CACNA2D3: variants seen among roughly 807,000 people sequenced by gnomAD.
CACNA2D3 encodes voltage-dependent calcium channel subunit alpha-2/delta-3.
A neutral mutation model predicts 160.6 loss-of-function variants in CACNA2D3; 60 were observed. The ratio of observed to expected loss-of-function variants is 0.37; its 90% CI spans 0.30 to 0.46. CACNA2D3 has a LOEUF of 0.46. Among genes scored for constraint, CACNA2D3 ranks in the 20% least tolerant of loss-of-function variants. CACNA2D3 has a pLI of 1.00. For missense variants in CACNA2D3, 1,205 were observed against 1,365.0 expected (o/e 0.88, Z 1.85); for synonymous variants, 558 against 492.9 (o/e 1.13, Z -1.75).
intron 2 of CACNA2D3, among the ~76,000 whole-genome samples, chr3:54,268,795 G>A (rs1169506103): frequency 6.6e-6 from 1 of 152,142 alleles, no homozygotes; most frequent in African/African-American, 2.4e-5. Flanking sequence ...GGCAGAGCCG[G>A]GACTTGAACT....
intron 5 of CACNA2D3, among the ~76,000 whole-genome samples, chr3:54,516,429 A>G (rs980161221): frequency 6.6e-6 from 1 of 152,116 alleles, no homozygotes; most frequent in Non-Finnish European, 1.5e-5. Context: ...TCACGGTGGT[A>G]GAACAATTCT....
intron 27 of CACNA2D3, among the ~76,000 whole-genome samples, chr3:54,933,641 G>A (rs1370776710): frequency 6.6e-6 from 1 of 152,112 alleles, no homozygotes; most frequent in Non-Finnish European, 1.5e-5. Flanking sequence ...TCACTTTAAA[G>A]TGACAACAAC....
intron 4 of CACNA2D3, among the ~76,000 whole-genome samples, chr3:54,447,096 G>C (rs1275418358): frequency 6.6e-6 from 1 of 152,188 alleles, no homozygotes; most frequent in Non-Finnish European, 1.5e-5. Flanking sequence ...TATGAGCTCA[G>C]CTTCCTTTGA....
chr3:54,504,834 G>A (rs1701344199), intron 5 of CACNA2D3, among the ~76,000 whole-genome samples: 1 of 152,168 alleles, frequency 6.6e-6, no homozygotes, highest in African/African-American at 2.4e-5. Context: ...TTGTGAAATA[G>A]GGATAATGAT....
At chr3:54,486,908 C>T (rs1701024026) in intron 4 of CACNA2D3, among the ~76,000 whole-genome samples, 1 of 152,152 alleles carries the variant, frequency 6.6e-6, no homozygotes, top group African/African-American at 2.4e-5. Flanking sequence ...ACCTTATTCA[C>T]AGCATTTGCC....
chr3:54,273,398 C>A (rs1166755576), intron 2 of CACNA2D3, among the ~76,000 whole-genome samples: 1 of 152,204 alleles, frequency 6.6e-6, no homozygotes, highest in Non-Finnish European at 1.5e-5. Flanking sequence ...CACGCACACA[C>A]CCTCCATCCT....
At chr3:54,647,236 G>A (rs1417423686) in intron 11 of CACNA2D3, among the ~76,000 whole-genome samples, 5 of 152,078 alleles carry the variant, frequency 3.3e-5, no homozygotes, top group East Asian at 3.9e-4. Flanking sequence ...AATAATAACT[G>A]TTCTGTTTTA....
chr3:54,819,094 A>G (rs941668484), intron 14 of CACNA2D3, among the ~76,000 whole-genome samples: 6 of 144,824 alleles, frequency 4.1e-5, no homozygotes, highest in African/African-American at 1.6e-4. Context: ...TGACACTTGC[A>G]AGAGGCCTTT....
rs541156469 is a variant in CACNA2D3 at position 54,453,977 on chromosome 3, G to A, written c.382-49515G>A. ...ATGAGCTGAAATCATGGAAATTAGTGTATAGTTAGTAAAAGAAGGGGAGAG... is the reference window on the plus strand; with the variant it reads ...ATGAGCTGAAATCATGGAAATTAGTATATAGTTAGTAAAAGAAGGGGAGAG... On this transcript the variant is annotated intron_variant, in intron 4 of 37. Transcript: ENST00000474759. 2.6e-4 allele frequency among the ~76,000 whole-genome samples: 40 copies of A among 152,268 alleles called. 1 individual carries two copies. The highest frequency in any genetic ancestry group is 2.3e-3 in the Admixed American group (35 of 15,286).
intron 27 of CACNA2D3, among the ~76,000 whole-genome samples, chr3:54,927,592 T>C (rs961715291): frequency 6.6e-6 from 1 of 152,256 alleles, no homozygotes; most frequent in East Asian, 1.9e-4. Flanking sequence ...TTGTTCATTC[T>C]TTCTTTGGTT....
chr3:54,957,794 G>T (rs72877968), intron 27 of CACNA2D3, among the ~76,000 whole-genome samples: 5 of 152,064 alleles, frequency 3.3e-5, no homozygotes, highest in African/African-American at 4.8e-5. Context: ...GGATGAGCAC[G>T]CATGACCCCT....
At chr3:54,783,387 C>G (rs1702570015) in intron 13 of CACNA2D3, among the ~76,000 whole-genome samples, 2 of 152,144 alleles carry the variant, frequency 1.3e-5, no homozygotes, top group East Asian at 1.9e-4. Flanking sequence ...AGGCAGATCA[C>G]TTGAGGTCAG....
At chr3:54,593,776 A>C (rs563134820) in intron 9 of CACNA2D3, among the ~76,000 whole-genome samples, 1 of 152,126 alleles carries the variant, frequency 6.6e-6, no homozygotes, top group African/African-American at 2.4e-5. Flanking sequence ...CTACATTTTA[A>C]ATCCATATCA....
chr3:54,647,123 A>AAAACACAGC (rs1459600736), intron 11 of CACNA2D3, among the ~76,000 whole-genome samples: 1 of 152,218 alleles, frequency 6.6e-6, no homozygotes, highest in Non-Finnish European at 1.5e-5. Flanking sequence ...CCTGCAGATG[A>AAAACACAGC]AAACACAGCC....
At chr3:54,837,042 G>A (rs188530183) in intron 14 of CACNA2D3, 117 bp from the exon 15 acceptor site, 41 of 825,474 alleles carry the variant, frequency 5.0e-5, no homozygotes, top group Non-Finnish European at 7.3e-5. Context: ...GCTTGAGTGG[G>A]CACTGTTCCA....
intron 2 of CACNA2D3, among the ~76,000 whole-genome samples, chr3:54,213,802 A>G (rs997636774): frequency 1.3e-5 from 2 of 152,236 alleles, no homozygotes; most frequent in East Asian, 1.9e-4. Flanking sequence ...AAATGAATCA[A>G]ATGAGGGAGA....
At chr3:54,894,857 G>A (rs1700152421) in intron 25 of CACNA2D3, 1 of 342,142 alleles carries the variant, frequency 2.9e-6, no homozygotes. Flanking sequence ...ACAAAGAAGA[G>A]CTTGTCTACC....
At chr3:54,296,909 C>T (rs1703354155) in intron 2 of CACNA2D3, among the ~76,000 whole-genome samples, 1 of 152,164 alleles carries the variant, frequency 6.6e-6, no homozygotes, top group Non-Finnish European at 1.5e-5. Flanking sequence ...TTTGGCAGAG[C>T]TGGGCTTGTG....
At chr3:54,311,949 G>A (rs1227930247) in intron 2 of CACNA2D3, among the ~76,000 whole-genome samples, 3 of 151,982 alleles carry the variant, frequency 2.0e-5, no homozygotes, top group African/African-American at 7.3e-5. Flanking sequence ...AATAAAAAGA[G>A]AAAAAGCAAA....
Sources: allele counts gnomAD v4.1 joint callset (sites outside exome capture counted in the v4.1 genomes callset), GRCh38; gene constraint gnomAD v4.1.1; transcripts MANE v1.5; gene names NCBI Gene and HGNC (gene_info 2026-07-23, HGNC 2026-07-21).